AP2B1: variants seen among roughly 807,000 people sequenced by gnomAD.
AP2B1 encodes AP-2 complex subunit beta.
In AP2B1, 23 loss-of-function variants were observed where a neutral mutation model predicts 102.0. That is an observed-to-expected ratio of 0.23 (90% CI 0.16 to 0.32). AP2B1 has a LOEUF of 0.32. AP2B1 is among the 10% of genes least tolerant of loss of function. The pLI, the probability that AP2B1 is intolerant of heterozygous loss-of-function variation, is 1.00. For synonymous variants in AP2B1, 381 were observed against 421.2 expected (o/e 0.90, Z 1.17); for missense variants, 541 against 1,157.4 (o/e 0.47, Z 7.73).
At chr17:35,642,051 G>T in intron 12 of AP2B1, 76 bp downstream of exon 12, 1 of 1,070,958 alleles carries the variant, frequency 9.3e-7, no homozygotes, top group Admixed American at 1.9e-5. Flanking sequence ...TCTTCCTAGG[G>T]GATTCATTTG....
chr17:35,617,888 C>T lies in AP2B1; in HGVS notation c.526-6509C>T, dbSNP rs534238354. Among the ~76,000 whole-genome samples, 42 of 152,114 alleles carry T rather than the reference C, an allele frequency of 2.8e-4. No individual in the cohort carries two copies. The South Asian group carries it at 4.0e-3, about 14-fold the overall frequency. ...ATAGGCATGCCTTTTATTTGTTTAT[C>T]GATATTTATTTGTAGTGTTTTGGCT... On this transcript the variant is annotated intron_variant, in intron 5 of 21. Transcript: ENST00000610402.
rs2142828311 is a variant in AP2B1 at position 35,650,783 on chromosome 17, A to G, written c.1790A>G (p.His597Arg). 1 of 1,614,004 alleles carries G rather than the reference A, an allele frequency of 6.2e-7. No individual in the cohort carries two copies. The highest frequency in any genetic ancestry group is 8.5e-7 in the Non-Finnish European group (1 of 1,179,862). The change falls in exon 13 of 22, where the codon CAT (histidine) becomes CGT (arginine). Residue 597 changes from histidine (H) to arginine (R), a missense_variant. This residue lies in a region of AP2B1 where 39 missense variants were observed against 42.0 expected (regional missense o/e 0.93). Coordinates refer to ENST00000610402, the MANE Select transcript of AP2B1 (RefSeq NM_001030006.2). ...CATCGTAAACACTTGCCAATTCATC[A>G]TGGGAGGTAAGAAGGTGTGAACTGT... ...GIHRKHLPIH[H>R]GSTDAGDSPV...
At position 35,668,604 on chromosome 17, in the gene AP2B1, A is replaced by T. The variant is rs538153683; in HGVS notation, c.1990-2253A>T. ...AACCTCCAGGTTTTTATGAAGGGGAAATTAAAAAATTAAAAGACAGCCTTT... is the reference window on the plus strand; with the variant it reads ...AACCTCCAGGTTTTTATGAAGGGGATATTAAAAAATTAAAAGACAGCCTTT... On this transcript the variant is annotated intron_variant, in intron 14 of 21. Coordinates refer to ENST00000610402, the MANE Select transcript of AP2B1 (RefSeq NM_001030006.2). Among the ~76,000 whole-genome samples, 8 of 152,308 alleles carry T rather than the reference A, an allele frequency of 5.3e-5. No homozygotes were observed. In the South Asian group the frequency reaches 1.7e-3, roughly 32 times the overall value.
intron 12 of AP2B1, among the ~76,000 whole-genome samples, chr17:35,646,370 C>G (rs1173927067): frequency 7.3e-6 from 1 of 137,866 alleles, no homozygotes; most frequent in East Asian, 2.2e-4. Context: ...AACAGGTCAT[C>G]CCTCAGAACG....
In AP2B1 at chr17:35,608,267, C is replaced by T. The variant is rs2073752048; in HGVS notation, c.405C>T (p.Pro135=). 1 of 1,613,988 alleles carries T rather than the reference C, an allele frequency of 6.2e-7. No individual in the cohort carries two copies. Among genetic ancestry groups the T allele is most frequent in the African/African-American group, 1.3e-5 (1 of 74,898 alleles). ...PLRKCLKDED[P]YVRKTAAVCV... is the part of the protein sequence containing the mutation. ...GCAAGTGCTTGAAGGATGAGGATCC[C>T]TATGTTCGGAAAACAGCAGCAGTCT... The change falls in exon 5 of 22, where the codon CCC becomes CCT. Residue 135 remains proline, a synonymous_variant. Transcript: ENST00000610402.
intron 14 of AP2B1, chr17:35,659,840 A>C (rs2075318114): frequency 1.0e-6 from 1 of 985,438 alleles, no homozygotes. Context: ...CAAGATGAGA[A>C]GAAATTAAAG....
chr17:35,599,851 A>G (rs1225179970), intron 3 of AP2B1, among the ~76,000 whole-genome samples: 1 of 151,994 alleles, frequency 6.6e-6, no homozygotes, highest in South Asian at 2.1e-4. Context: ...CGGAGGTTGC[A>G]GTGAGCCAGG....
chr17:35,587,996 A>G (rs1724693807), intron 1 of AP2B1: 1 of 152,088 alleles, frequency 6.6e-6, no homozygotes, highest in African/African-American at 2.4e-5. Context: ...GAGGAAGGAA[A>G]GAGTAACCTC....
At chr17:35,668,498 A>G (rs1289241147) in intron 14 of AP2B1, among the ~76,000 whole-genome samples, 2 of 152,138 alleles carry the variant, frequency 1.3e-5, no homozygotes, top group African/African-American at 4.8e-5. Flanking sequence ...GGTTGATTCC[A>G]TTGTGTATCC....
chr17:35,697,246 G>A (rs1029106271), intron 18 of AP2B1, among the ~76,000 whole-genome samples: 1 of 152,164 alleles, frequency 6.6e-6, no homozygotes, highest in African/African-American at 2.4e-5. Flanking sequence ...CTTGATATTA[G>A]GAAAGGCAAG....
In AP2B1 at chr17:35,711,617, A is replaced by C. The variant is rs587672208; in HGVS notation, c.2626+1297A>C. On this transcript the variant is annotated intron_variant, in intron 20 of 21. Transcript: ENST00000610402. ...CAGAGTAGCTGGGACTACAGGCGCCAGCCACCACACCCGGCTAATTTTTTT... is the reference window on the plus strand; with the variant it reads ...CAGAGTAGCTGGGACTACAGGCGCCCGCCACCACACCCGGCTAATTTTTTT... Among the ~76,000 whole-genome samples, 40 of 152,066 alleles carry C rather than the reference A, an allele frequency of 2.6e-4. No homozygotes were observed. The East Asian group carries it at 4.5e-3, about 17-fold the overall frequency.
rs148354789 is a variant in AP2B1, at chr17:35,628,868, C to T, written c.1155+1142C>T. On this transcript the variant is annotated intron_variant, in intron 9 of 21. Coordinates refer to ENST00000610402, the MANE Select transcript of AP2B1 (RefSeq NM_001030006.2). ...TGGCTTGCAAAATTTATGCATATTA[C>T]GACTGTGTAAATATTTAGGGCCAAT... 8.9e-4 allele frequency among the ~76,000 whole-genome samples: 135 copies of T among 152,002 alleles called. 2 individuals are homozygous for T. In the East Asian group the frequency reaches 0.022, roughly 25 times the overall value.
chr17:35,651,366 T>G (rs747949299), intron 13 of AP2B1, among the ~76,000 whole-genome samples: 15 of 152,186 alleles, frequency 9.9e-5, no homozygotes, highest in South Asian at 2.1e-4. Flanking sequence ...GCAAGGAAAT[T>G]GTTATGAAAA....
chr17:35,618,032 TC>T (rs2074073348), intron 5 of AP2B1, among the ~76,000 whole-genome samples: 1 of 152,210 alleles, frequency 6.6e-6, no homozygotes, highest in African/African-American at 2.4e-5. Context: ...ATGTGTTGGC[TC>T]ACTAGGTAGT....
chr17:35,610,669 A>G (rs1420299431), intron 5 of AP2B1, among the ~76,000 whole-genome samples: 1 of 151,860 alleles, frequency 6.6e-6, no homozygotes, highest in Non-Finnish European at 1.5e-5. Flanking sequence ...GCACTTTGGG[A>G]GGCCGAGGTG....
intron 14 of AP2B1, among the ~76,000 whole-genome samples, chr17:35,668,148 G>A (rs2075509871): frequency 6.6e-6 from 1 of 151,956 alleles, no homozygotes; most frequent in Non-Finnish European, 1.5e-5. Context: ...TATTGGTCAG[G>A]CTGGTCTTGA....
intron 20 of AP2B1, among the ~76,000 whole-genome samples, chr17:35,711,267 G>A (rs781959311): frequency 1.2e-4 from 19 of 152,004 alleles, no homozygotes; most frequent in Admixed American, 7.9e-4. Context: ...TGCTTGGTCG[G>A]TACCTCCTCT....
intron 11 of AP2B1, among the ~76,000 whole-genome samples, chr17:35,640,760 C>CAACCACTGGCTTAGAGCAGTAGT (rs2074756402): frequency 6.6e-6 from 1 of 152,206 alleles, no homozygotes; most frequent in South Asian, 2.1e-4. Flanking sequence ...CACACATTGA[C>CAACCACTGGCTTAGAGCAGTAGT]AACCACTGGC....
chr17:35,709,610 G>T (rs1555586523), intron 19 of AP2B1, among the ~76,000 whole-genome samples: 1 of 152,170 alleles, frequency 6.6e-6, no homozygotes, highest in African/African-American at 2.4e-5. Context: ...CTATTTATTT[G>T]CTGTGTGACT....
Sources: allele counts gnomAD v4.1 joint callset (sites outside exome capture counted in the v4.1 genomes callset), GRCh38; gene constraint gnomAD v4.1.1; regional missense constraint gnomAD v4.1.1; transcripts MANE v1.5; gene names NCBI Gene and HGNC (gene_info 2026-07-23, HGNC 2026-07-21).